LMAN1L: variants seen among roughly 807,000 people sequenced by gnomAD.
LMAN1L encodes the protein lectin, mannose binding 1 like, also known as protein ERGIC-53-like.
In LMAN1L, 60 loss-of-function variants were observed where a neutral mutation model predicts 58.3. The observed-to-expected ratio is 1.03, with a 90% CI of 0.84 to 1.27. LMAN1L has a LOEUF of 1.27. LMAN1L is among the 50% of genes most tolerant of loss of function. LMAN1L has a pLI of 0.00. For missense variants in LMAN1L, 629 were observed against 674.0 expected (o/e 0.93, Z 0.74); for synonymous variants, 280 against 271.6 (o/e 1.03, Z -0.31).
chr15:74,819,999 G>A (rs757538491), intron 6 of LMAN1L, 45 bp from the exon 7 acceptor site: 6 of 1,567,276 alleles, frequency 3.8e-6, no homozygotes, highest in Admixed American at 1.7e-5. Flanking sequence ...CGAGGGGGTT[G>A]CTGGGTGGAG....
intron 1 of LMAN1L, among the ~76,000 whole-genome samples, chr15:74,815,516 T>G (rs566918851): frequency 6.5e-4 from 99 of 152,276 alleles, no homozygotes; most frequent in South Asian, 1.0e-3. Flanking sequence ...ACACACATAC[T>G]CCATCCTGCA....
chr15:74,819,990 G>T, intron 6 of LMAN1L, 54 bp from the exon 7 acceptor site: 1 of 1,533,486 alleles, frequency 6.5e-7, no homozygotes, highest in Non-Finnish European at 9.0e-7. Context: ...AAGGCTGAGC[G>T]AGGGGGTTGC....
chr15:74,820,936 C>A, intron 8 of LMAN1L, 139 bp from the exon 9 acceptor site: 1 of 1,324,280 alleles, frequency 7.6e-7, no homozygotes, highest in Non-Finnish European at 1.0e-6. Context: ...ACCACTCAGA[C>A]TCATCTTCCA....
intron 1 of LMAN1L, 52 bp from the exon 2 acceptor site, chr15:74,816,104 AG>A: frequency 6.6e-7 from 1 of 1,518,054 alleles, no homozygotes; most frequent in Non-Finnish European, 8.8e-7. Flanking sequence ...GAGAGAGTGA[AG>A]GGGGAGATGG....
intron 4 of LMAN1L, among the ~76,000 whole-genome samples, chr15:74,817,029 G>A (rs2141114311): frequency 6.6e-6 from 1 of 152,282 alleles, no homozygotes; most frequent in South Asian, 2.1e-4. Flanking sequence ...GATGTGCCGT[G>A]CGCAGTGCTG....
Position 74,812,863 on chromosome 15 carries a change from G to C in LMAN1L, c.9G>C (p.Ala3=). Residue 3 remains alanine (A), a synonymous_variant, in exon 1 of 14, where the codon GCG becomes GCC. Transcript: ENST00000309664. MP[A]VSGPGPLFCL... is the part of the protein sequence containing the mutation. Reference sequence around the variant, plus strand: ...CTTCAGGCGCCTTCACGATGCCGGCGGTCAGTGGTCCAGGTCCCTTATTCT... The same window carrying C: ...CTTCAGGCGCCTTCACGATGCCGGCCGTCAGTGGTCCAGGTCCCTTATTCT... 1.3e-6 allele frequency: 2 copies of C among 1,597,220 alleles called. No individual in the cohort carries two copies. The highest frequency in any genetic ancestry group is 1.7e-6 in the Non-Finnish European group (2 of 1,170,568).
At position 74,822,643 on chromosome 15, in the gene LMAN1L, A is replaced by T; in HGVS notation, c.1133A>T (p.Asp378Val). The T allele has an allele frequency of 6.2e-7, 1 of 1,613,584 alleles. No homozygotes were observed. Among genetic ancestry groups the T allele is most frequent in the Non-Finnish European group, 8.5e-7 (1 of 1,179,662 alleles). The stretch of plus-strand genomic sequence containing the variant: ...AGACAAGAGGCTGCCCCTCTGCAGG[A>T]CTCTGCCAAGGTCGGTGCCCTGCTC... ...GGHLSMSLNK[D>V]SAKVGALLHG... is the part of the protein sequence containing the mutation. Residue 378 changes from aspartate to valine, a missense_variant and splice_region_variant, in exon 11 of 14, where the codon GAC becomes GTC. Physicochemically the swap from Asp to Val is radical, Grantham distance 152 (BLOSUM62 -3). Transcript: ENST00000309664.
intron 1 of LMAN1L, chr15:74,813,262 C>T (rs2063874024): frequency 1.5e-6 from 1 of 650,356 alleles, no homozygotes; most frequent in Non-Finnish European, 2.8e-6. Context: ...CTTCCCTGCC[C>T]CAGGACTTCT....
At chr15:74,820,210 G>A in intron 7 of LMAN1L, 111 bp downstream of exon 7, 1 of 1,009,470 alleles carries the variant, frequency 9.9e-7, no homozygotes. Flanking sequence ...CCTGGCCTCT[G>A]AGCTCTGCTC....
rs748428078 is a variant in LMAN1L, at chr15:74,818,846, G to T, written c.597+29G>T. 5 of 1,565,964 alleles carry T rather than the reference G, an allele frequency of 3.2e-6. No individual in the cohort carries two copies. The East Asian group carries it at 9.2e-5, about 29-fold the overall frequency. On this transcript the variant is annotated intron_variant, in intron 5 of 13. Coordinates refer to ENST00000309664, the MANE Select transcript of LMAN1L (RefSeq NM_021819.3). ...AGTCACCCTTCCTGCTTCTGACAGG[G>T]CTCTGAGTTACAGAGCTGCTATGTG...
rs1023556018 is a variant in LMAN1L at position 74,825,674 on chromosome 15, C to T, written c.*69C>T. 4 of 1,527,390 alleles carry T rather than the reference C, an allele frequency of 2.6e-6. No homozygotes were observed. The highest frequency in any genetic ancestry group is 2.3e-5 in the South Asian group (2 of 86,924). The allele number at this position is 1,527,390 out of a possible 1,614,324, so 94.6% of individuals were successfully genotyped here. On this transcript the variant is annotated 3_prime_UTR_variant, in exon 14 of 14. Coordinates refer to ENST00000309664, the MANE Select transcript of LMAN1L (RefSeq NM_021819.3). ...TCTTGGGTGGGGGCTTGGTCAGTAT[C>T]CTCTCCGTCTGGGTGCCCAGCTCCC...
chr15:74,823,756 T>G, intron 12 of LMAN1L, 74 bp downstream of exon 12: 1 of 1,560,572 alleles, frequency 6.4e-7, no homozygotes, highest in Non-Finnish European at 8.7e-7. Flanking sequence ...CTTCCAGCAC[T>G]TCAGCAGCCC....
intron 1 of LMAN1L, among the ~76,000 whole-genome samples, chr15:74,814,412 T>C (rs1313830814): frequency 1.4e-5 from 2 of 147,658 alleles, no homozygotes; most frequent in East Asian, 2.0e-4. Flanking sequence ...CTCGTTCTGT[T>C]GCCCAGGCTG....
intron 4 of LMAN1L, among the ~76,000 whole-genome samples, chr15:74,817,264 C>G (rs1224039785): frequency 6.6e-6 from 1 of 152,216 alleles, no homozygotes. Context: ...GGCACAGCAC[C>G]AAGCCCTTCT....
Position 74,814,854 on chromosome 15 carries a change from C to A in LMAN1L, c.176-1303C>A, listed in dbSNP as rs563877560. Among the ~76,000 whole-genome samples, 5 of 152,310 alleles carry A rather than the reference C, an allele frequency of 3.3e-5. No homozygotes were observed. The East Asian group carries it at 9.6e-4, about 29-fold the overall frequency. On this transcript the variant is annotated intron_variant, in intron 1 of 13. Coordinates refer to ENST00000309664, the MANE Select transcript of LMAN1L (RefSeq NM_021819.3). Reference sequence around the variant, plus strand: ...ATAGGCCCTGTCAGTAGGGTTTCTTCCAGTCCTCCTTCATAGAGACACAGG... The same window carrying A: ...ATAGGCCCTGTCAGTAGGGTTTCTTACAGTCCTCCTTCATAGAGACACAGG...
At position 74,816,603 on chromosome 15, in the gene LMAN1L, G is replaced by C. The variant is rs752307510; in HGVS notation, c.439-29G>C. The C allele has an allele frequency of 3.1e-6, 5 of 1,606,786 alleles. No individual in the cohort carries two copies. The East Asian group carries it at 8.9e-5, about 29-fold the overall frequency. ...ACCCTCCCCCTCCCGCCATGTCCGC[G>C]GCTCAGGCTGCTTCTCACCTCCCTG... On this transcript the variant is annotated intron_variant, in intron 3 of 13. Transcript: ENST00000309664.
In LMAN1L at chr15:74,816,157, A is replaced by G; in HGVS notation, c.176A>G (p.Asp59Gly). The G allele has an allele frequency of 6.5e-7, 1 of 1,547,566 alleles. No homozygotes were observed. Among genetic ancestry groups the G allele is most frequent in the Non-Finnish European group, 8.7e-7 (1 of 1,146,624 alleles). The change falls in exon 2 of 14, where the codon GAC (aspartate) becomes GGC (glycine). Residue 59 changes from aspartate to glycine, a missense_variant and splice_region_variant. Around this residue, in one of 3 missense-constraint regions of LMAN1L, gnomAD observed 573 missense variants for 597.3 expected, o/e 0.96. Coordinates refer to ENST00000309664, the MANE Select transcript of LMAN1L (RefSeq NM_021819.3). ...AGIPFWSHHG[D>G]AILGLEEVRL... Reference sequence around the variant, plus strand: ...GGGCTTGAGCTGCCCTTGTCCACAGACGCCATCCTGGGCCTGGAGGAAGTG... The same window carrying G: ...GGGCTTGAGCTGCCCTTGTCCACAGGCGCCATCCTGGGCCTGGAGGAAGTG...
intron 1 of LMAN1L, among the ~76,000 whole-genome samples, chr15:74,815,160 C>T (rs2063884814): frequency 6.6e-6 from 1 of 152,266 alleles, no homozygotes; most frequent in South Asian, 2.1e-4. Context: ...GTCTCACCCA[C>T]AGGCCTTGTA....
rs1418203880 is a variant in LMAN1L, at chr15:74,816,432, G to A, written c.336G>A (p.Val112=). The change falls in exon 3 of 14, where the codon GTG becomes GTA. Residue 112 remains valine, a synonymous_variant. Transcript: ENST00000309664. ...GAGGGGCTGGGGACCTGCAGGCCGT[G>A]TGGTACACCCGGGGCAGGGGCCATG... The part of the protein sequence containing the change: ...LGRRGAQGMA[V]WYTRGRGHVG... 1.9e-6 allele frequency: 3 copies of A among 1,560,780 alleles called. No individual in the cohort carries two copies. The highest frequency in any genetic ancestry group is 1.2e-5 in the South Asian group (1 of 82,696).
Sources: allele counts gnomAD v4.1 joint callset (sites outside exome capture counted in the v4.1 genomes callset), GRCh38; gene constraint gnomAD v4.1.1; regional missense constraint gnomAD v4.1.1; transcripts MANE v1.5; gene names NCBI Gene and HGNC (gene_info 2026-07-23, HGNC 2026-07-21).